The following IMMP2L variants were observed in gnomAD, a reference collection of about 807,000 sequenced individuals.
IMMP2L encodes inner mitochondrial membrane peptidase subunit 2.
A neutral mutation model predicts 19.3 loss-of-function variants in IMMP2L; 18 were observed. The observed-to-expected ratio is 0.93, with a 90% CI of 0.64 to 1.38. The LOEUF is 1.38. Among genes scored for constraint, IMMP2L ranks in the 40% most tolerant of loss-of-function variants. The probability of loss-of-function intolerance (pLI) is 0.00; values close to 1 mark genes in which losing one functional copy is unlikely to be tolerated. For missense variants in IMMP2L, 233 were observed against 218.2 expected, an observed-to-expected ratio of 1.07 and a Z score of -0.43; for synonymous variants, 76 against 73.0, an observed-to-expected ratio of 1.04 and a Z score of -0.21.
intron 3 of IMMP2L, among the ~76,000 whole-genome samples, chr7:111,012,329 T>C (rs1825053373): frequency 6.6e-6 from 1 of 152,142 alleles, no homozygotes; most frequent in African/African-American, 2.4e-5. Context: ...TCATACAATG[T>C]TGCAATTACT....
At chr7:111,493,856 C>T (rs1436810846) in intron 2 of IMMP2L, among the ~76,000 whole-genome samples, 1 of 151,100 alleles carries the variant, frequency 6.6e-6, no homozygotes, top group East Asian at 2.0e-4. Context: ...AAAAATTAGC[C>T]GGGTGTAGTG....
At chr7:111,366,035 A>G (rs569925569) in intron 3 of IMMP2L, among the ~76,000 whole-genome samples, 5 of 152,222 alleles carry the variant, frequency 3.3e-5, no homozygotes, top group African/African-American at 9.6e-5. Flanking sequence ...TTTTGCAACC[A>G]TGACAATAAA....
chr7:110,857,123 C>T (rs1256702031), intron 5 of IMMP2L, among the ~76,000 whole-genome samples: 1 of 152,002 alleles, frequency 6.6e-6, no homozygotes, highest in Non-Finnish European at 1.5e-5. Flanking sequence ...ATAGATAATA[C>T]TTTCTCTAAG....
chr7:110,743,522 A>G (rs7790691), intron 5 of IMMP2L, among the ~76,000 whole-genome samples: 145,768 of 151,884 alleles, frequency 0.96, 69,957 homozygotes, highest in East Asian at 0.97. Flanking sequence ...CAACAGCTCT[A>G]GTCTGTAGTT....
chr7:111,303,325 TAAAGAG>T (rs1822471283), intron 3 of IMMP2L, among the ~76,000 whole-genome samples: 1 of 152,092 alleles, frequency 6.6e-6, no homozygotes, highest in Non-Finnish European at 1.5e-5. Flanking sequence ...ACTCTTTCCT[TAAAGAG>T]AAAATCACAC....
rs116808327 is a variant in IMMP2L, at chr7:111,156,036, A to C, written c.240-192471T>G. The stretch of plus-strand genomic sequence containing the variant: ...ATTTATCCATGTTCTTTGTGTTGTC[A>C]TAGTTTGTGCCTTTTCATTGCTCTA... On this transcript the variant is annotated intron_variant, in intron 3 of 5. Transcript: ENST00000405709. Among the ~76,000 whole-genome samples the C allele has an allele frequency of 5.5e-3, 835 of 152,192 alleles. 15 individuals carry two copies. The highest frequency in any genetic ancestry group is 0.019 in the African/African-American group (800 of 41,530).
At chr7:110,776,748 T>C (rs1163629320) in intron 5 of IMMP2L, among the ~76,000 whole-genome samples, 2 of 152,062 alleles carry the variant, frequency 1.3e-5, no homozygotes, top group African/African-American at 4.8e-5. Flanking sequence ...ATATTTCTTT[T>C]GAAAGCCTGA....
At chr7:110,903,096 T>C (rs1408594290) in intron 4 of IMMP2L, among the ~76,000 whole-genome samples, 1 of 152,178 alleles carries the variant, frequency 6.6e-6, no homozygotes, top group African/African-American at 2.4e-5. Context: ...CAGCGACTGA[T>C]GAAAGCCATT....
intron 3 of IMMP2L, among the ~76,000 whole-genome samples, chr7:111,133,888 A>G (rs2129595029): frequency 6.6e-6 from 1 of 152,194 alleles, no homozygotes; most frequent in East Asian, 1.9e-4. Flanking sequence ...CAGTTATTAT[A>G]GTCCAGTATT....
chr7:111,084,760 A>T (rs1277939081), intron 3 of IMMP2L, among the ~76,000 whole-genome samples: 3 of 152,176 alleles, frequency 2.0e-5, no homozygotes, highest in Non-Finnish European at 4.4e-5. Context: ...AATTTCAGTA[A>T]CAAGTTTGGA....
rs1402347649 is a variant in IMMP2L, at chr7:110,760,792, A to G, written c.409-97071T>C. 6.6e-6 allele frequency among the ~76,000 whole-genome samples: 1 copy of G among 152,116 alleles called. No homozygotes were observed. The highest frequency in any genetic ancestry group is 2.1e-4 in the South Asian group (1 of 4,834). Reference sequence around the variant, plus strand: ...TGTTAACAGCTCTGACTAAACACCTATTTCTTACTACAAGTGTAGAACGCC... The same window carrying G: ...TGTTAACAGCTCTGACTAAACACCTGTTTCTTACTACAAGTGTAGAACGCC... On this transcript the variant is annotated intron_variant, in intron 5 of 5. Transcript: ENST00000405709. This position sits in a 1 kb window ranked among gnomAD's most constrained non-coding sequence, Gnocchi z 4.2.
intron 3 of IMMP2L, among the ~76,000 whole-genome samples, chr7:111,003,546 C>G (rs1823951759): frequency 1.3e-5 from 2 of 151,870 alleles, no homozygotes; most frequent in Non-Finnish European, 2.9e-5. Context: ...GGGTCTCACT[C>G]TGTTGCCCAG....
At chr7:111,428,846 AT>A (rs1254613697) in intron 3 of IMMP2L, among the ~76,000 whole-genome samples, 1 of 151,910 alleles carries the variant, frequency 6.6e-6, no homozygotes, top group Non-Finnish European at 1.5e-5. Context: ...GCCGTGAATC[AT>A]TCTTTCATTT....
chr7:111,120,259 CAA>C (rs1487688184), intron 3 of IMMP2L, among the ~76,000 whole-genome samples: 1 of 152,002 alleles, frequency 6.6e-6, no homozygotes, highest in African/African-American at 2.4e-5. Flanking sequence ...GAGTAATTTA[CAA>C]AGAAAAAGAG....
At chr7:111,237,477 T>C (rs1031026055) in intron 3 of IMMP2L, among the ~76,000 whole-genome samples, 5 of 152,172 alleles carry the variant, frequency 3.3e-5, no homozygotes, top group South Asian at 2.1e-4. Context: ...TTTGGCAATA[T>C]TTAACATAGT....
intron 5 of IMMP2L, among the ~76,000 whole-genome samples, chr7:110,725,205 C>T (rs1239347750): frequency 6.6e-6 from 1 of 152,152 alleles, no homozygotes; most frequent in Non-Finnish European, 1.5e-5. Flanking sequence ...CTTGATTTTA[C>T]AGACAGGAAA....
At chr7:111,106,985 A>G (rs1798619159) in intron 3 of IMMP2L, among the ~76,000 whole-genome samples, 1 of 151,976 alleles carries the variant, frequency 6.6e-6, no homozygotes, top group Non-Finnish European at 1.5e-5. Flanking sequence ...TTCTATATTA[A>G]AATGCAAAAA....
chr7:111,554,604 C>A (rs1340539871), intron 1 of IMMP2L, among the ~76,000 whole-genome samples: 3 of 151,758 alleles, frequency 2.0e-5, no homozygotes, highest in African/African-American at 4.8e-5. Flanking sequence ...CAAAGCATTG[C>A]TTTATTTTTA....
chr7:111,192,931 A>C (rs768261824), intron 3 of IMMP2L, among the ~76,000 whole-genome samples: 150 of 152,244 alleles, frequency 9.9e-4, no homozygotes, highest in Non-Finnish European at 8.7e-4. Flanking sequence ...TAGATTGTAC[A>C]GTGATCAAGC....
Sources: gnomAD v4.1 joint callset for allele counts (sites outside exome capture counted in the v4.1 genomes callset) on GRCh38, gnomAD v4.1.1 for gene constraint, Gnocchi (gnomAD v3.1) non-coding constraint, MANE v1.5 for transcripts, NCBI Gene and HGNC (gene_info 2026-07-23, HGNC 2026-07-21) for gene names.